SWT1: variants seen among roughly 807,000 people sequenced by gnomAD.
The protein encoded by SWT1 is transcriptional protein SWT1.
A neutral mutation model predicts 107.3 loss-of-function variants in SWT1; 33 were observed. The observed-to-expected ratio is 0.31, with a 90% CI of 0.23 to 0.41. The LOEUF is 0.41. SWT1 is among the 10% of genes least tolerant of loss of function. The probability of loss-of-function intolerance (pLI) is 1.00; values close to 1 mark genes in which losing one functional copy is unlikely to be tolerated. For missense variants in SWT1, 898 were observed against 1,028.9 expected, an observed-to-expected ratio of 0.87 and a Z score of 1.74; for synonymous variants, 345 against 348.3, an observed-to-expected ratio of 0.99 and a Z score of 0.11.
At chr1:185,283,687 T>C (rs1250177247) in intron 18 of SWT1, among the ~76,000 whole-genome samples, 2 of 152,212 alleles carry the variant, frequency 1.3e-5, no homozygotes, top group African/African-American at 2.4e-5. Context: ...AACACACTTC[T>C]GACACCAGGC....
intron 12 of SWT1, among the ~76,000 whole-genome samples, chr1:185,206,131 G>T (rs189142465): frequency 3.0e-3 from 450 of 152,114 alleles, no homozygotes; most frequent in Non-Finnish European, 4.8e-3. Context: ...GCTAATTTTT[G>T]CATTTTTAGT....
intron 16 of SWT1, among the ~76,000 whole-genome samples, chr1:185,241,931 C>T (rs1661278995): frequency 6.6e-6 from 1 of 152,126 alleles, no homozygotes; most frequent in African/African-American, 2.4e-5. Context: ...ATGTCTGGAG[C>T]AGATGATGGA....
intron 16 of SWT1, among the ~76,000 whole-genome samples, chr1:185,233,491 G>C (rs1660638289): frequency 2.0e-5 from 3 of 152,058 alleles, no homozygotes; most frequent in South Asian, 4.1e-4. Flanking sequence ...AGAGATTCTG[G>C]TATGTTGTGT....
chr1:185,275,693 T>G (rs957958612), intron 17 of SWT1, among the ~76,000 whole-genome samples: 1 of 151,840 alleles, frequency 6.6e-6, no homozygotes, highest in East Asian at 1.9e-4. Flanking sequence ...CCAAAAAAAC[T>G]GTATATTTTT....
chr1:185,269,766 A>G (rs1469936363), intron 16 of SWT1, among the ~76,000 whole-genome samples: 1 of 152,200 alleles, frequency 6.6e-6, no homozygotes, highest in African/African-American at 2.4e-5. Context: ...GAAACTACAG[A>G]TGATTTCCAA....
intron 16 of SWT1, among the ~76,000 whole-genome samples, chr1:185,242,126 A>C (rs1661288938): frequency 6.6e-6 from 1 of 152,186 alleles, no homozygotes; most frequent in Non-Finnish European, 1.5e-5. Flanking sequence ...AGTTCTTGTT[A>C]TATTATAGAC....
At chr1:185,220,729 T>C (rs939674974) in intron 14 of SWT1, among the ~76,000 whole-genome samples, 1 of 152,186 alleles carries the variant, frequency 6.6e-6, no homozygotes, top group African/African-American at 2.4e-5. Flanking sequence ...GCAAGCAGCC[T>C]CTCTTCTTAG....
chr1:185,224,601 A>G (rs1438170264), intron 15 of SWT1, among the ~76,000 whole-genome samples: 1 of 152,198 alleles, frequency 6.6e-6, no homozygotes, highest in South Asian at 2.1e-4. Flanking sequence ...AATTCTTCCA[A>G]TACATGAACA....
At chr1:185,170,687 A>C (rs918065782) in intron 4 of SWT1, among the ~76,000 whole-genome samples, 2 of 152,156 alleles carry the variant, frequency 1.3e-5, no homozygotes, top group Non-Finnish European at 2.9e-5. Context: ...TCTTGTACGC[A>C]TTTACTTAAT....
intron 15 of SWT1, among the ~76,000 whole-genome samples, chr1:185,230,582 A>AT (rs1212697897): frequency 6.6e-6 from 1 of 152,218 alleles, no homozygotes; most frequent in African/African-American, 2.4e-5. Flanking sequence ...CTGGGTGAAT[A>AT]TATGAATTAT....
At chr1:185,175,152 A>G (rs764002940) in intron 5 of SWT1, 39 bp downstream of exon 5, 23 of 1,361,672 alleles carry the variant, frequency 1.7e-5, no homozygotes, top group Non-Finnish European at 2.1e-5. Context: ...GTTTTAACTG[A>G]GAGTTTATTA....
Position 185,174,508 on chromosome 1 carries a change from A to C in SWT1, c.361A>C (p.Lys121Gln). ...ILQSPSSNGT[K>Q]KDIHKCVDFK... is the part of the protein sequence containing the mutation. ...GCAGAGTCCTTCTTCAAATGGAACT[A>C]AAAAAGACATACATAAATGTGTAGA... Residue 121 changes from lysine (K) to glutamine (Q), a missense_variant, in exon 5 of 19, where the codon AAA (lysine) becomes CAA (glutamine). Transcript: ENST00000367500. 2.5e-6 allele frequency: 4 copies of C among 1,610,886 alleles called. No individual in the cohort carries two copies. Among genetic ancestry groups the C allele is most frequent in the Non-Finnish European group, 1.7e-6 (2 of 1,178,816 alleles).
At chr1:185,259,341 T>G (rs181560167) in intron 16 of SWT1, among the ~76,000 whole-genome samples, 27 of 152,238 alleles carry the variant, frequency 1.8e-4, no homozygotes, top group African/African-American at 6.3e-4. Flanking sequence ...CAGCAATCAA[T>G]AGGTGCAGGA....
At chr1:185,267,871 G>A (rs1003856893) in intron 16 of SWT1, among the ~76,000 whole-genome samples, 2 of 152,184 alleles carry the variant, frequency 1.3e-5, no homozygotes, top group African/African-American at 4.8e-5. Context: ...AAAAAAGAAT[G>A]AGAAAACTTT....
chr1:185,203,106 C>A (rs527344084), intron 11 of SWT1, among the ~76,000 whole-genome samples: 1 of 152,070 alleles, frequency 6.6e-6, no homozygotes, highest in Non-Finnish European at 1.5e-5. Flanking sequence ...GCAGAGTGTA[C>A]CTGTATTTTT....
chr1:185,191,044 G>T (rs1171164262), intron 10 of SWT1, among the ~76,000 whole-genome samples: 2 of 152,120 alleles, frequency 1.3e-5, no homozygotes, highest in Non-Finnish European at 2.9e-5. Context: ...AGACTGCCTG[G>T]CTTGGAGTCC....
chr1:185,276,600 T>G lies in SWT1; in HGVS notation c.2509-4T>G, dbSNP rs2102753150. ...TTTAATAACTATATCTTGGTTCCTT[T>G]CAGGTAAATAAAAATGTCAAATTTA... On this transcript the variant is annotated splice_region_variant and splice_polypyrimidine_tract_variant and intron_variant, in intron 17 of 18. Transcript: ENST00000367500. 1 of 1,555,454 alleles carries G rather than the reference T, an allele frequency of 6.4e-7. No individual in the cohort carries two copies. Among genetic ancestry groups the G allele is most frequent in the African/African-American group, 1.4e-5 (1 of 73,688 alleles).
intron 15 of SWT1, among the ~76,000 whole-genome samples, chr1:185,223,628 T>A (rs1214612797): frequency 6.6e-6 from 1 of 152,146 alleles, no homozygotes; most frequent in Non-Finnish European, 1.5e-5. Flanking sequence ...CTTTGAAAAA[T>A]TTATATTAAG....
intron 15 of SWT1, chr1:185,227,588 A>G (rs879279165): frequency 2.0e-6 from 1 of 509,624 alleles, no homozygotes; most frequent in Non-Finnish European, 3.7e-6. Context: ...TTATCCTATT[A>G]TCACCAAGCG....
Sources: allele counts gnomAD v4.1 joint callset (sites outside exome capture counted in the v4.1 genomes callset), GRCh38; gene constraint gnomAD v4.1.1; transcripts MANE v1.5; gene names NCBI Gene and HGNC (gene_info 2026-07-23, HGNC 2026-07-21).